The following SGCD variants were observed in gnomAD, a reference collection of about 807,000 sequenced individuals.
SGCD encodes the protein sarcoglycan delta.
SGCD carries 18 observed loss-of-function variants against 36.6 expected under a neutral mutation model. That is an observed-to-expected ratio of 0.49 (90% CI 0.34 to 0.73). SGCD has a LOEUF of 0.73. Ranked by LOEUF, SGCD falls within the 30% of genes least tolerant of loss-of-function variation. The pLI is 0.01. For synonymous variants in SGCD, 133 were observed against 130.6 expected (o/e 1.02, Z -0.12); for missense variants, 387 against 346.7 (o/e 1.12, Z -0.92).
chr5:156,579,466 T>C (rs558451232), intron 4 of SGCD, among the ~76,000 whole-genome samples: 2 of 152,296 alleles, frequency 1.3e-5, no homozygotes, highest in African/African-American at 2.4e-5. Context: ...CTGGATATCA[T>C]TGTTAACCTT....
chr5:156,112,125 A>G (rs1003300972), intron 1 of SGCD, among the ~76,000 whole-genome samples: 2 of 152,148 alleles, frequency 1.3e-5, no homozygotes, highest in East Asian at 1.9e-4. Context: ...TTTCCTTTTT[A>G]TAAACCATTT....
chr5:156,738,112 G>A (rs1237013223), intron 7 of SGCD, among the ~76,000 whole-genome samples: 2 of 152,218 alleles, frequency 1.3e-5, no homozygotes, highest in African/African-American at 2.4e-5. Flanking sequence ...GTCATTAGAT[G>A]TTCTGAGAGC....
At chr5:155,813,716 C>T in the SGCD span, among the ~76,000 whole-genome samples, 1 of 152,122 alleles carries the variant, frequency 6.6e-6, no homozygotes. Context: ...GAGATTCTGC[C>T]TTGGCTAGAC....
the SGCD span, among the ~76,000 whole-genome samples, chr5:155,836,059 T>A: frequency 6.6e-6 from 1 of 152,220 alleles, no homozygotes; most frequent in African/African-American, 2.4e-5. Context: ...AGGGATCTAC[T>A]GTATAGTCAA....
At chr5:156,744,884 G>C (rs570673895) in intron 7 of SGCD, among the ~76,000 whole-genome samples, 4 of 152,162 alleles carry the variant, frequency 2.6e-5, no homozygotes, top group Admixed American at 2.6e-4. Context: ...TGGAAACCTG[G>C]ACCTCCAGTG....
At chr5:155,795,787 AAGG>A in the SGCD span, among the ~76,000 whole-genome samples, 2 of 152,148 alleles carry the variant, frequency 1.3e-5, no homozygotes, top group Non-Finnish European at 2.9e-5. Flanking sequence ...ACAAATTTTA[AAGG>A]AGAACAGTGA....
At chr5:156,241,546 C>T (rs1223095637) in intron 3 of SGCD, among the ~76,000 whole-genome samples, 1 of 152,152 alleles carries the variant, frequency 6.6e-6, no homozygotes, top group African/African-American at 2.4e-5. Context: ...CATGTGATTC[C>T]AGGCTGCTCC....
At chr5:156,545,943 T>C (rs1758555548) in intron 4 of SGCD, among the ~76,000 whole-genome samples, 1 of 152,200 alleles carries the variant, frequency 6.6e-6, no homozygotes, top group Non-Finnish European at 1.5e-5. Context: ...TTACCCAGTG[T>C]GTCAAGTGGG....
intron 1 of SGCD, among the ~76,000 whole-genome samples, chr5:155,912,807 A>G (rs1434611080): frequency 1.3e-5 from 2 of 150,388 alleles, no homozygotes; most frequent in Non-Finnish European, 1.5e-5. Flanking sequence ...TTCCATCCCA[A>G]TTCTCTTCCT....
rs17053620 is a variant in SGCD at position 156,554,718 on chromosome 5, T to C, written c.295-34513T>C. Reference sequence around the variant, plus strand: ...CAAGCATCCATTGTGGATCTTTGAATGTATTCCCTGAAGATAAGGGAGGAC... The same window carrying C: ...CAAGCATCCATTGTGGATCTTTGAACGTATTCCCTGAAGATAAGGGAGGAC... On this transcript the variant is annotated intron_variant, in intron 4 of 8. Coordinates refer to ENST00000337851, the MANE Select transcript of SGCD (RefSeq NM_000337.6). Among the ~76,000 whole-genome samples the C allele has an allele frequency of 0.013, 1,900 of 151,492 alleles. 92 individuals are homozygous for C. In the East Asian group the frequency reaches 0.17, roughly 13 times the overall value.
At chr5:156,278,729 G>C (rs115281321) in intron 3 of SGCD, among the ~76,000 whole-genome samples, 2 of 152,122 alleles carry the variant, frequency 1.3e-5, no homozygotes, top group Non-Finnish European at 2.9e-5. Context: ...GTAACTGCAG[G>C]ATGCGCTATA....
intron 7 of SGCD, among the ~76,000 whole-genome samples, chr5:156,669,900 G>A (rs956280474): frequency 6.6e-6 from 1 of 152,036 alleles, no homozygotes; most frequent in Admixed American, 6.6e-5. Context: ...GGTATTGGGG[G>A]AAATGTCTTG....
the SGCD span, among the ~76,000 whole-genome samples, chr5:155,819,385 A>G: frequency 7.6e-4 from 115 of 152,238 alleles, no homozygotes; most frequent in African/African-American, 2.7e-3. Flanking sequence ...ACTTAATTAT[A>G]TTAACGATCT....
the SGCD span, among the ~76,000 whole-genome samples, chr5:155,861,972 C>T: frequency 6.6e-6 from 1 of 152,180 alleles, no homozygotes; most frequent in African/African-American, 2.4e-5. Flanking sequence ...CCCATCCTCT[C>T]TTAGGAGAAG....
chr5:155,791,145 G>A, the SGCD span, among the ~76,000 whole-genome samples: 20 of 152,092 alleles, frequency 1.3e-4, 1 homozygote, highest in African/African-American at 4.6e-4. Flanking sequence ...GGAAAGTTGA[G>A]CTGATGATTC....
intron 1 of SGCD, among the ~76,000 whole-genome samples, chr5:155,983,719 T>C (rs1166180562): frequency 2.0e-5 from 3 of 152,352 alleles, no homozygotes; most frequent in Non-Finnish European, 2.9e-5. Flanking sequence ...TTCTGGTAAA[T>C]ATATAAAAAT....
chr5:156,489,686 A>G (rs1475524475), intron 3 of SGCD, among the ~76,000 whole-genome samples: 1 of 152,106 alleles, frequency 6.6e-6, no homozygotes, highest in Non-Finnish European at 1.5e-5. Flanking sequence ...GAAAATGGAA[A>G]CACAGCATAC....
intron 3 of SGCD, among the ~76,000 whole-genome samples, chr5:156,360,302 C>G (rs573180702): frequency 1.3e-5 from 2 of 149,196 alleles, no homozygotes; most frequent in East Asian, 4.0e-4. Context: ...GGCTGGAGTG[C>G]AATGGCACAG....
At chr5:155,877,180 A>G (rs2113287178) in intron 1 of SGCD, among the ~76,000 whole-genome samples, 1 of 152,260 alleles carries the variant, frequency 6.6e-6, no homozygotes, top group Non-Finnish European at 1.5e-5. Context: ...CTAGGATTAA[A>G]TTCAGTCCAA....
Sources: allele counts gnomAD v4.1 joint callset (sites outside exome capture counted in the v4.1 genomes callset), GRCh38; gene constraint gnomAD v4.1.1; transcripts MANE v1.5; gene names NCBI Gene and HGNC (gene_info 2026-07-23, HGNC 2026-07-21).